Variants in TNRC6A observed in about 807,000 individuals in gnomAD.
TNRC6A encodes the protein trinucleotide repeat containing adaptor 6A, also known as trinucleotide repeat-containing gene 6A protein.
A neutral mutation model predicts 221.2 loss-of-function variants in TNRC6A; 44 were observed. That is an observed-to-expected ratio of 0.20 (90% confidence interval 0.16 to 0.26). The LOEUF is 0.26. Among genes scored for constraint, TNRC6A ranks in the 10% least tolerant of loss-of-function variants. TNRC6A has a pLI of 1.00. For missense variants in TNRC6A, 2,199 were observed against 2,404.4 expected (o/e 0.91, Z 1.79); for synonymous variants, 847 against 838.5 (o/e 1.01, Z -0.18).
rs1458760136 is a variant in TNRC6A, at chr16:24,806,288, A to G, written c.4329+5A>G. ...CGGCCGCAGCAAGACCAGCAGGTAG[A>G]GCCCGCCCTGCAACTCGCAATGCTG... On this transcript the variant is annotated splice_donor_5th_base_variant and intron_variant, in intron 16 of 24. Coordinates refer to ENST00000395799, the MANE Select transcript of TNRC6A (RefSeq NM_014494.4). 1 of 1,614,046 alleles carries G rather than the reference A, an allele frequency of 6.2e-7. No homozygotes were observed. Among genetic ancestry groups the G allele is most frequent in the Admixed American group, 1.7e-5 (1 of 60,004 alleles).
At chr16:24,644,104 T>TTTTTTG (rs869181423) in intron 2 of TNRC6A, among the ~76,000 whole-genome samples, 5 of 146,178 alleles carry the variant, frequency 3.4e-5, no homozygotes, top group African/African-American at 1.3e-4. Flanking sequence ...TTTTTTTTTT[T>TTTTTTG]GAGACAGAGT....
chr16:24,742,438 TA>T (rs140160549), intron 2 of TNRC6A, among the ~76,000 whole-genome samples: 3,823 of 152,226 alleles, frequency 0.025, 168 homozygotes, highest in African/African-American at 0.086. Flanking sequence ...AACATATGGA[TA>T]AGAGTAAGAA....
intron 2 of TNRC6A, among the ~76,000 whole-genome samples, chr16:24,677,610 C>T (rs2055445777): frequency 6.6e-6 from 1 of 152,232 alleles, no homozygotes; most frequent in African/African-American, 2.4e-5. Context: ...CCCTGTGAAA[C>T]AGTGCGTGAA....
chr16:24,739,883 C>G (rs1420734206), intron 2 of TNRC6A, among the ~76,000 whole-genome samples: 1 of 152,042 alleles, frequency 6.6e-6, no homozygotes, highest in Non-Finnish European at 1.5e-5. Flanking sequence ...GGCAACAAAT[C>G]CAAGGTCACA....
intron 4 of TNRC6A, among the ~76,000 whole-genome samples, chr16:24,771,502 A>G (rs1204453554): frequency 2.7e-5 from 4 of 150,138 alleles, no homozygotes; most frequent in South Asian, 4.2e-4. Flanking sequence ...CTGTAAAGTT[A>G]TCTGAGCCTG....
intron 6 of TNRC6A, among the ~76,000 whole-genome samples, chr16:24,792,164 A>G (rs571565078): frequency 6.6e-6 from 1 of 152,348 alleles, no homozygotes; most frequent in African/African-American, 2.4e-5. Flanking sequence ...TAAAACAAGT[A>G]TCTCATAAAT....
Position 24,806,587 on chromosome 16 carries a change from G to A in TNRC6A, c.4343G>A (p.Ser1448Asn). The part of the protein sequence containing the change: ...PQQDQQGRPL[S>N]VQQQMMQQSR... ...CATTGTTTTAAGGGTCGACCTCTTA[G>A]TGTGCAGCAGCAAATGATGCAACAA... The change falls in exon 17 of 25, where the codon AGT becomes AAT. Residue 1448 changes from serine (S) to asparagine (N), a missense_variant. Physicochemically the swap from Ser to Asn is conservative, Grantham distance 46. Coordinates refer to ENST00000395799, the MANE Select transcript of TNRC6A (RefSeq NM_014494.4). 1 of 1,614,182 alleles carries A rather than the reference G, an allele frequency of 6.2e-7. No homozygotes were observed.
chr16:24,638,515 C>T (rs1418850518), intron 1 of TNRC6A, among the ~76,000 whole-genome samples: 1 of 152,110 alleles, frequency 6.6e-6, no homozygotes, highest in Non-Finnish European at 1.5e-5. Flanking sequence ...GAGTTCAAGA[C>T]CAGCCTGGCC....
At chr16:24,679,515 C>T (rs1034588147) in intron 2 of TNRC6A, among the ~76,000 whole-genome samples, 1 of 150,484 alleles carries the variant, frequency 6.6e-6, no homozygotes, top group Non-Finnish European at 1.5e-5. Context: ...CTTGCTCTGT[C>T]GCCCAGGCTG....
intron 2 of TNRC6A, among the ~76,000 whole-genome samples, chr16:24,743,446 C>T (rs2056935464): frequency 6.6e-6 from 1 of 152,086 alleles, no homozygotes. Flanking sequence ...CCGCCTCATC[C>T]TCTCGAGTAG....
At chr16:24,809,637 C>T in intron 18 of TNRC6A, 156 bp downstream of exon 18, 1 of 861,758 alleles carries the variant, frequency 1.2e-6, no homozygotes, top group Non-Finnish European at 1.6e-6. Flanking sequence ...GTCTTAGTTA[C>T]AATAAGAGAC....
chr16:24,696,781 GGGGA>G (rs1241102013), intron 2 of TNRC6A, among the ~76,000 whole-genome samples: 5 of 148,144 alleles, frequency 3.4e-5, no homozygotes, highest in East Asian at 2.0e-4. Flanking sequence ...GAAAGGGGAG[GGGGA>G]GGGAGGGAGG....
At position 24,764,407 on chromosome 16, in the gene TNRC6A, A is replaced by G. The variant is rs191115904; in HGVS notation, c.163+6047A>G. On this transcript the variant is annotated intron_variant, in intron 4 of 24. Transcript: ENST00000395799. Reference sequence around the variant, plus strand: ...AGTGGCATGATCTCAGCTCACTGCAACCTCCACTTGCCGGGTTCAAATGAT... The same window carrying G: ...AGTGGCATGATCTCAGCTCACTGCAGCCTCCACTTGCCGGGTTCAAATGAT... Among the ~76,000 whole-genome samples the G allele has an allele frequency of 5.0e-4, 76 of 150,976 alleles. No homozygotes were observed. The East Asian group carries it at 0.014, about 27-fold the overall frequency.
intron 1 of TNRC6A, among the ~76,000 whole-genome samples, chr16:24,627,543 G>C (rs1901085698): frequency 6.6e-6 from 1 of 151,960 alleles, no homozygotes; most frequent in Admixed American, 6.6e-5. Context: ...TTTCCCGCAG[G>C]CTTCCTTGGG....
chr16:24,756,030 C>A (rs1422723360), intron 3 of TNRC6A, among the ~76,000 whole-genome samples: 1 of 151,976 alleles, frequency 6.6e-6, no homozygotes, highest in Non-Finnish European at 1.5e-5. Flanking sequence ...GAAACTGAGA[C>A]CCAGAGGGTT....
At chr16:24,691,380 A>G (rs549688287) in intron 2 of TNRC6A, among the ~76,000 whole-genome samples, 2 of 152,128 alleles carry the variant, frequency 1.3e-5, no homozygotes, top group South Asian at 2.1e-4. Flanking sequence ...ACTGCGCCCA[A>G]CCCATTTTAC....
At chr16:24,681,555 T>C (rs1347901293) in intron 2 of TNRC6A, among the ~76,000 whole-genome samples, 3 of 152,164 alleles carry the variant, frequency 2.0e-5, no homozygotes, top group Non-Finnish European at 4.4e-5. Flanking sequence ...ATTAGTAATA[T>C]ATTGTGGACA....
At chr16:24,641,760 T>C (rs1901963204) in intron 2 of TNRC6A, among the ~76,000 whole-genome samples, 1 of 152,230 alleles carries the variant, frequency 6.6e-6, no homozygotes, top group Admixed American at 6.5e-5. Context: ...TGGGTTATGG[T>C]TTCTTTTTCA....
At chr16:24,778,793 C>A (rs1467179557) in intron 5 of TNRC6A, among the ~76,000 whole-genome samples, 2 of 151,892 alleles carry the variant, frequency 1.3e-5, no homozygotes, top group East Asian at 1.9e-4. Context: ...GATCTAATGC[C>A]AAGTAGTAGG....
Sources: gnomAD v4.1 joint callset for allele counts (sites outside exome capture counted in the v4.1 genomes callset) on GRCh38, gnomAD v4.1.1 for gene constraint, MANE v1.5 for transcripts, NCBI Gene and HGNC (gene_info 2026-07-23, HGNC 2026-07-21) for gene names.